Variants in ADCY4 observed in about 807,000 individuals in gnomAD.
The protein encoded by ADCY4 is adenylate cyclase 4, also known as adenylate cyclase type 4.
In ADCY4, 111 loss-of-function variants were observed where a neutral mutation model predicts 125.5. That is an observed-to-expected ratio of 0.88 (90% CI 0.76 to 1.04). ADCY4 has a LOEUF of 1.04. ADCY4 is among the 50% of genes least tolerant of loss of function. ADCY4 has a pLI of 0.00. For synonymous variants in ADCY4, 576 were observed against 586.9 expected (o/e 0.98, Z 0.27); for missense variants, 1,256 against 1,382.9 (o/e 0.91, Z 1.46).
intron 16 of ADCY4, chr14:24,323,741 G>C (rs1421349599): frequency 2.4e-6 from 2 of 829,436 alleles, no homozygotes; most frequent in Non-Finnish European, 2.9e-6. Flanking sequence ...CTTGGCTGGT[G>C]GGTGATTCCC....
chr14:24,332,540 C>T lies in ADCY4; in HGVS notation c.501G>A (p.Arg167=). 6.4e-7 allele frequency: 1 copy of T among 1,569,964 alleles called. No individual in the cohort carries two copies. The highest frequency in any genetic ancestry group is 8.6e-7 in the Non-Finnish European group (1 of 1,157,644). The change falls in exon 3 of 25, where the codon CGG becomes CGA. Residue 167 remains arginine (R), a synonymous_variant. Transcript: ENST00000418030. ...GLYLGPQPDS[R]PALLPQLAAN... is the part of the protein sequence containing the mutation. ...TGCTCACCTGCGGCAGCAGTGCAGG[C>T]CGTGAGTCCGGCTGTGGCCCAAGAT...
rs2041807212 is a variant in ADCY4 at position 24,318,732 on chromosome 14, C to T, written c.3003G>A (p.Lys1001=). ...PVVAGVIGAQ[K]PQYDIWGNTV... ...TGTTGCCCCAAATGTCATATTGCGG[C>T]TTCTGGGCCCCAATAACTCCAGCTA... The change falls in exon 24 of 25, where the codon AAG becomes AAA. Residue 1001 remains lysine, a synonymous_variant. Coordinates refer to ENST00000418030, the MANE Select transcript of ADCY4 (RefSeq NM_001198568.2). The T allele has an allele frequency of 1.9e-6, 3 of 1,614,192 alleles. No homozygotes were observed. Among genetic ancestry groups the T allele is most frequent in the Non-Finnish European group, 2.5e-6 (3 of 1,180,038 alleles).
At position 24,325,868 on chromosome 14, in the gene ADCY4, C is replaced by T; in HGVS notation, c.1675G>A (p.Asp559Asn). 3.8e-6 allele frequency: 6 copies of T among 1,594,810 alleles called. No individual in the cohort carries two copies. Among genetic ancestry groups the T allele is most frequent in the Non-Finnish European group, 5.1e-6 (6 of 1,168,494 alleles). Reference sequence around the variant, plus strand: ...AAGTACAGTGTCAGTGGGTTGAAGTCCTTCGACTGCTTCCACTGTCTGGTG... The same window carrying T: ...AAGTACAGTGTCAGTGGGTTGAAGTTCTTCGACTGCTTCCACTGTCTGGTG... ...NSQKQWKQSK[D>N]FNPLTLYFRE... is the part of the protein sequence containing the mutation. The change falls in exon 13 of 25, where the codon GAC (aspartate) becomes AAC (asparagine). Residue 559 changes from aspartate (D) to asparagine (N), a missense_variant. Asp to Asn is a conservative substitution (Grantham distance 23). Transcript: ENST00000418030.
At position 24,322,229 on chromosome 14, in the gene ADCY4, G is replaced by A; in HGVS notation, c.2428-5C>T. ...CAGGCGGCAGTAGTACTCATTCTGG[G>A]GAGGGTCACCCGGGGCCATGGGGAG... On this transcript the variant is annotated splice_polypyrimidine_tract_variant and splice_region_variant and intron_variant, in intron 19 of 24. Coordinates refer to ENST00000418030, the MANE Select transcript of ADCY4 (RefSeq NM_001198568.2). The A allele has an allele frequency of 2.5e-6, 4 of 1,610,396 alleles. No individual in the cohort carries two copies. The highest frequency in any genetic ancestry group is 2.5e-6 in the Non-Finnish European group (3 of 1,177,344).
chr14:24,329,474 T>C lies in ADCY4; in HGVS notation c.1277A>G (p.Asp426Gly). The change falls in exon 9 of 25, where the codon GAC becomes GGC. Residue 426 changes from aspartate to glycine, a missense_variant. Physicochemically the swap from Asp to Gly is moderately conservative, Grantham distance 94 (BLOSUM62 -1). Transcript: ENST00000418030. ...GGGGTCCCGATGCTCCATGCCTGCG[T>C]CCTCCACAGCATAAGCCCCTGCCAG... is the stretch of plus-strand genomic sequence containing the variant. ...ALLAGAYAVE[D>G]AGMEHRDPYL... 6.3e-7 allele frequency: 1 copy of C among 1,581,202 alleles called. No homozygotes were observed. The highest frequency in any genetic ancestry group is 1.2e-5 in the South Asian group (1 of 85,894).
Position 24,329,491 on chromosome 14 carries a change from C to A in ADCY4, c.1260G>T (p.Gly420=). Residue 420 remains glycine (G), a synonymous_variant, in exon 9 of 25, where the codon GGG becomes GGT. Coordinates refer to ENST00000418030, the MANE Select transcript of ADCY4 (RefSeq NM_001198568.2). Reference sequence around the variant, plus strand: ...TGCCTGCGTCCTCCACAGCATAAGCCCCTGCCAGCAGGGCCAGGGTAGCCC... The same window carrying A: ...TGCCTGCGTCCTCCACAGCATAAGCACCTGCCAGCAGGGCCAGGGTAGCCC... ...ITGATLALLA[G]AYAVEDAGME... 2 of 1,568,406 alleles carry A rather than the reference C, an allele frequency of 1.3e-6. No individual in the cohort carries two copies. The highest frequency in any genetic ancestry group is 2.0e-5 in the Admixed American group (1 of 49,826).
At chr14:24,327,379 C>A (rs995055108) in intron 10 of ADCY4, among the ~76,000 whole-genome samples, 4 of 152,262 alleles carry the variant, frequency 2.6e-5, no homozygotes, top group Non-Finnish European at 4.4e-5. Context: ...GGCAGGCATT[C>A]CTGCTATGTA....
chr14:24,331,393 C>A (rs769486605), intron 4 of ADCY4, 37 bp from the exon 5 acceptor site: 110 of 1,610,158 alleles, frequency 6.8e-5, no homozygotes, highest in Non-Finnish European at 9.0e-5. Context: ...CTCTTCTGCA[C>A]CCTAAAGCCA....
At chr14:24,326,724 G>A (rs1460105275) in intron 10 of ADCY4, among the ~76,000 whole-genome samples, 2 of 151,958 alleles carry the variant, frequency 1.3e-5, no homozygotes, top group African/African-American at 4.8e-5. Context: ...CTTCCAGGTG[G>A]CTGGGATTAC....
chr14:24,326,509 C>G (rs2041947200), intron 10 of ADCY4, 167 bp from the exon 11 acceptor site: 1 of 750,792 alleles, frequency 1.3e-6, no homozygotes, highest in South Asian at 1.7e-5. Context: ...CCCACCTGCC[C>G]TTGAAGGGGA....
rs553216584 is a variant in ADCY4 at position 24,332,806 on chromosome 14, C to A, written c.342G>T (p.Val114=). 12 of 1,559,904 alleles carry A rather than the reference C, an allele frequency of 7.7e-6. No homozygotes were observed. The highest frequency in any genetic ancestry group is 5.4e-5 in the African/African-American group (4 of 73,948). ...GHAFLFTGGV[V]SAWDQVSYFL... ...CCCCTCTCACCTGGTCCCAGGCGCT[C>A]ACCACGCCCCCGGTGAACAGGAAGG... Residue 114 remains valine (V), a synonymous_variant, in exon 2 of 25, where the codon GTG becomes GTT. Transcript: ENST00000418030.
At position 24,334,956 on chromosome 14, in the gene ADCY4, C is replaced by G. The variant is rs1007484367; in HGVS notation, c.-304G>C. 17 of 283,388 alleles carry G rather than the reference C, an allele frequency of 6.0e-5. No individual in the cohort carries two copies. The highest frequency in any genetic ancestry group is 1.1e-4 in the Non-Finnish European group (16 of 151,854). The allele number at this position is 283,388 out of a possible 1,614,324, so 17.6% of individuals were successfully genotyped here. On this transcript the variant is annotated 5_prime_UTR_variant, in exon 1 of 25. Transcript: ENST00000418030. ...GGATTTGGGGTTGGTGCGAGGGAGCCCCGGGTTCCCCTGATCCCCGAACTC... is the reference window on the plus strand; with the variant it reads ...GGATTTGGGGTTGGTGCGAGGGAGCGCCGGGTTCCCCTGATCCCCGAACTC...
At chr14:24,329,723 G>T in intron 8 of ADCY4, 137 bp downstream of exon 8, 1 of 1,431,750 alleles carries the variant, frequency 7.0e-7, no homozygotes, top group Non-Finnish European at 9.3e-7. Context: ...CTGCACCCTA[G>T]GATCTCCCAA....
Position 24,319,334 on chromosome 14 carries a change from G to A in ADCY4, c.2836C>T (p.Gln946Ter). 6.2e-7 allele frequency: 1 copy of A among 1,614,132 alleles called. No individual in the cohort carries two copies. Among genetic ancestry groups the A allele is most frequent in the Non-Finnish European group, 8.5e-7 (1 of 1,179,990 alleles). Reference protein sequence around the residue: ...GLNATSGQDAQQDAERSCSHL... With the variant: ...GLNATSGQDA ...GTAAGGAAGGGTTGCCGTACCTGTT[G>A]TGCATCCTGTCCAGAGGTGGCATTT... Residue 946 changes from glutamine (Q) to a stop codon, truncating the protein, a stop_gained, in exon 22 of 25, where the codon CAA (glutamine) becomes TAA (stop). Coordinates refer to ENST00000418030, the MANE Select transcript of ADCY4 (RefSeq NM_001198568.2). LOFTEE classifies it high-confidence loss of function. The surrounding 1 kb of genome is among the most constrained non-coding windows in gnomAD (Gnocchi z 4.5).
rs1256534859 is a variant in ADCY4 at position 24,331,216 on chromosome 14, C to T, written c.810G>A (p.Gln270=). 6.2e-7 allele frequency: 1 copy of T among 1,614,214 alleles called. No individual in the cohort carries two copies. The highest frequency in any genetic ancestry group is 1.1e-5 in the South Asian group (1 of 91,090). ...NFHSLYVKRH[Q]GVSVLYADIV... is the part of the protein sequence containing the mutation. ...GCCATTCTTCCTCATACCTGACTCC[C>T]TGGTGCCTCTTGACATAGAGGCTGT... The change falls in exon 5 of 25, where the codon CAG becomes CAA. Residue 270 remains glutamine, a synonymous_variant. Coordinates refer to ENST00000418030, the MANE Select transcript of ADCY4 (RefSeq NM_001198568.2).
Position 24,334,820 on chromosome 14 carries a change from C to A in ADCY4, c.-168G>T. 1 of 595,454 alleles carries A rather than the reference C, an allele frequency of 1.7e-6. No individual in the cohort carries two copies. The highest frequency in any genetic ancestry group is 2.1e-5 in the South Asian group (1 of 47,966). 36.9% of individuals were successfully genotyped at this position (595,454 alleles called of 1,614,324 possible). Reference sequence around the variant, plus strand: ...TCCTTTTTCAGGCCCTCCCTGCGGCCTCCCAGCCCGCTCCCAGCTGGCGAT... The same window carrying A: ...TCCTTTTTCAGGCCCTCCCTGCGGCATCCCAGCCCGCTCCCAGCTGGCGAT... On this transcript the variant is annotated 5_prime_UTR_variant, in exon 1 of 25. The change creates a new upstream start codon in the 5' untranslated region. Transcript: ENST00000418030.
At chr14:24,325,501 G>T in intron 13 of ADCY4, 27 bp from the exon 14 acceptor site, 1 of 1,589,710 alleles carries the variant, frequency 6.3e-7, no homozygotes, top group Non-Finnish European at 8.6e-7. Flanking sequence ...CAGAGGTGGA[G>T]ACAGGGTCCA....
At chr14:24,332,705 C>T (rs2042062196) in intron 2 of ADCY4, 22 bp from the exon 3 acceptor site, 1 of 1,575,838 alleles carries the variant, frequency 6.3e-7, no homozygotes, top group Non-Finnish European at 8.6e-7. Context: ...GCGCGGGAAG[C>T]CGAAGGCCCA....
Position 24,331,261 on chromosome 14 carries a change from T to C in ADCY4, c.765A>G (p.Pro255=), listed in dbSNP as rs2042036891. The C allele has an allele frequency of 6.2e-7, 1 of 1,614,102 alleles. No homozygotes were observed. The highest frequency in any genetic ancestry group is 1.7e-5 in the Admixed American group (1 of 60,012). ...ARLQAGQGSR[P]ESTNNFHSLY... ...GGCTGTGGAAATTGTTAGTGCTCTC[T>C]GGCCGTGACCCCTGTCCTGCCTGCA... Residue 255 remains proline (P), a synonymous_variant, in exon 5 of 25, where the codon CCA becomes CCG. Transcript: ENST00000418030.
Sources: allele counts gnomAD v4.1 joint callset (sites outside exome capture counted in the v4.1 genomes callset), GRCh38; gene constraint gnomAD v4.1.1; non-coding constraint Gnocchi (gnomAD v3.1); transcripts MANE v1.5; gene names NCBI Gene and HGNC (gene_info 2026-07-23, HGNC 2026-07-21).